Variants in BAZ2B observed in about 807,000 individuals in gnomAD.
BAZ2B encodes bromodomain adjacent to zinc finger domain protein 2B.
Under a neutral mutation model 246.0 loss-of-function variants are expected in BAZ2B, and 91 were observed. The ratio of observed to expected loss-of-function variants is 0.37; its 90% CI spans 0.31 to 0.44. The LOEUF (loss-of-function observed/expected upper bound fraction) is 0.44, where lower values mean the gene tolerates loss of function less well. Among genes scored for constraint, BAZ2B ranks in the 20% least tolerant of loss-of-function variants. The pLI is 1.00. For synonymous variants in BAZ2B, 855 were observed against 860.0 expected (o/e 0.99, Z 0.10); for missense variants, 2,332 against 2,533.7 (o/e 0.92, Z 1.71).
At chr2:159,377,812 CAAAAAA>C (rs35570732) in intron 25 of BAZ2B, among the ~76,000 whole-genome samples, 1 of 94,198 alleles carries the variant, frequency 1.1e-5, no homozygotes. Flanking sequence ...ACTCTGTCTC[CAAAAAA>C]AAAAAAAAAA....
chr2:159,499,350 A>G (rs572608735), intron 2 of BAZ2B, among the ~76,000 whole-genome samples: 20 of 152,324 alleles, frequency 1.3e-4, no homozygotes, highest in African/African-American at 4.8e-4. Flanking sequence ...TGCAAAGGAC[A>G]TGATCTCATT....
At chr2:159,468,076 G>A (rs1014079852) in intron 3 of BAZ2B, among the ~76,000 whole-genome samples, 1 of 152,154 alleles carries the variant, frequency 6.6e-6, no homozygotes, top group African/African-American at 2.4e-5. Flanking sequence ...CAAGTATACT[G>A]TGCATGAATG....
At chr2:159,620,124 G>A (rs1257477516), upstream of BAZ2B, among the ~76,000 whole-genome samples, 4 of 152,192 alleles carry the variant, frequency 2.6e-5, no homozygotes, top group Admixed American at 6.5e-5. Context: ...TAAATAGGTA[G>A]ATATAGAGTT....
intron 27 of BAZ2B, among the ~76,000 whole-genome samples, chr2:159,369,543 G>A (rs760317413): frequency 6.0e-4 from 67 of 112,354 alleles, no homozygotes; most frequent in Admixed American, 9.9e-4. Flanking sequence ...ATAAAGAACT[G>A]ATTTCAGTAG....
chr2:159,385,293 A>C lies in BAZ2B; in HGVS notation c.3548T>G (p.Phe1183Cys), dbSNP rs780226437. 3.7e-6 allele frequency: 6 copies of C among 1,613,334 alleles called. No individual in the cohort carries two copies. In the South Asian group the frequency reaches 6.6e-5, roughly 18 times the overall value. The change falls in exon 23 of 37, where the codon TTT becomes TGT. Residue 1183 changes from phenylalanine (F) to cysteine (C), a missense_variant. This residue lies in a region of BAZ2B where 328 missense variants were observed against 410.4 expected (regional missense o/e 0.80). Coordinates refer to ENST00000392783, the MANE Select transcript of BAZ2B (RefSeq NM_013450.4). ...RDNVSEILQI[F>C]MEAHCGQTEL... ...AGTTTGTCCACAGTGGGCTTCCATA[A>C]ATATCTGTAAAATCTCGGAAACATT...
intron 2 of BAZ2B, among the ~76,000 whole-genome samples, chr2:159,509,573 G>A (rs1041324607): frequency 6.6e-6 from 1 of 152,100 alleles, no homozygotes; most frequent in Admixed American, 6.5e-5. Context: ...TCACTATACA[G>A]TGTAACAGAA....
chr2:159,450,896 T>C (rs2075002462), intron 4 of BAZ2B, among the ~76,000 whole-genome samples: 1 of 152,084 alleles, frequency 6.6e-6, no homozygotes, highest in Non-Finnish European at 1.5e-5. Flanking sequence ...TGCACAACCA[T>C]GCCTGGCTAA....
At chr2:159,403,913 T>C (rs550811755) in intron 16 of BAZ2B, among the ~76,000 whole-genome samples, 1 of 152,260 alleles carries the variant, frequency 6.6e-6, no homozygotes, top group South Asian at 2.1e-4. Context: ...GCAGAGCCCA[T>C]ATTTAACTGT....
intron 3 of BAZ2B, among the ~76,000 whole-genome samples, chr2:159,467,455 G>A (rs924809319): frequency 2.0e-5 from 3 of 152,094 alleles, no homozygotes; most frequent in East Asian, 3.9e-4. Flanking sequence ...AGCTGCGGGG[G>A]CCAGTGCAAG....
At chr2:159,369,559 CAA>C (rs3836176) in intron 27 of BAZ2B, among the ~76,000 whole-genome samples, 100,068 of 151,666 alleles carry the variant, frequency 0.66, 35,237 homozygotes, top group Non-Finnish European at 0.81. Context: ...AGTAGTGTTG[CAA>C]AGAGACTGAT....
At chr2:159,320,605 A>G (rs2062603454) in intron 36 of BAZ2B, among the ~76,000 whole-genome samples, 187 bp from the exon 37 acceptor site, 1 of 152,240 alleles carries the variant, frequency 6.6e-6, no homozygotes, top group African/African-American at 2.4e-5. Flanking sequence ...TCTGGAACAT[A>G]CTGGATTTAA....
chr2:159,633,810 G>A, the BAZ2B span, among the ~76,000 whole-genome samples: 1 of 147,568 alleles, frequency 6.8e-6, no homozygotes, highest in African/African-American at 2.5e-5. Flanking sequence ...GCACGATCTC[G>A]GCTCACTGCA....
intron 1 of BAZ2B, among the ~76,000 whole-genome samples, chr2:159,599,606 G>GA (rs1691592302): frequency 7.0e-6 from 1 of 142,316 alleles, no homozygotes; most frequent in Admixed American, 7.1e-5. Context: ...CAACAAGAGG[G>GA]AAACTCTGTC....
At chr2:159,563,615 A>T (rs1010835508) in intron 1 of BAZ2B, among the ~76,000 whole-genome samples, 2 of 152,220 alleles carry the variant, frequency 1.3e-5, no homozygotes, top group Admixed American at 6.5e-5. Flanking sequence ...TGGTACCCAG[A>T]ATAGTCAAAT....
chr2:159,452,500 A>T (rs968966235), intron 4 of BAZ2B, among the ~76,000 whole-genome samples: 11 of 152,192 alleles, frequency 7.2e-5, no homozygotes, highest in Non-Finnish European at 1.2e-4. Flanking sequence ...CACAGCTATG[A>T]ACTAACAAAG....
At chr2:159,676,650 C>CACACACAT in the BAZ2B span, among the ~76,000 whole-genome samples, 1 of 124,720 alleles carries the variant, frequency 8.0e-6, no homozygotes, top group African/African-American at 3.4e-5. Context: ...TCTAAATGCA[C>CACACACAT]ACACACACAC....
chr2:159,332,571 C>T lies in BAZ2B; in HGVS notation c.5912G>A (p.Gly1971Glu), dbSNP rs779551972. 1 of 1,613,984 alleles carries T rather than the reference C, an allele frequency of 6.2e-7. No homozygotes were observed. Among genetic ancestry groups the T allele is most frequent in the Non-Finnish European group, 8.5e-7 (1 of 1,179,928 alleles). ...HRPKITTIPD[G>E]DWFCPACIAK... ...AATGCAAGCTGGACAAAACCAGTCTCCATCTGGGATTGTTGTAATCTTGGG... is the reference window on the plus strand; with the variant it reads ...AATGCAAGCTGGACAAAACCAGTCTTCATCTGGGATTGTTGTAATCTTGGG... The change falls in exon 34 of 37, where the codon GGA becomes GAA. Residue 1971 changes from glycine to glutamate, a missense_variant. Physicochemically the swap from Gly to Glu is moderately conservative, Grantham distance 98. Transcript: ENST00000392783.
At chr2:159,622,492 T>C in the BAZ2B span, among the ~76,000 whole-genome samples, 1 of 151,932 alleles carries the variant, frequency 6.6e-6, no homozygotes, top group South Asian at 2.1e-4. Flanking sequence ...CCAGATACAA[T>C]AAAGGGAAAT....
At chr2:159,382,939 A>C (rs1471784607) in intron 24 of BAZ2B, 137 bp from the exon 25 acceptor site, 1 of 1,184,970 alleles carries the variant, frequency 8.4e-7, no homozygotes, top group Admixed American at 3.1e-5. Flanking sequence ...TGTTAAAAAA[A>C]ATTAGAATTA....
Sources: gnomAD v4.1 joint callset for allele counts (sites outside exome capture counted in the v4.1 genomes callset) on GRCh38, gnomAD v4.1.1 for gene constraint, gnomAD v4.1.1 regional missense constraint, MANE v1.5 for transcripts, NCBI Gene and HGNC (gene_info 2026-07-23, HGNC 2026-07-21) for gene names.